The following EVL variants were observed in gnomAD, a reference collection of about 807,000 sequenced individuals.
EVL encodes the protein Enah/Vasp-like.
EVL carries 21 observed loss-of-function variants against 59.6 expected under a neutral mutation model. That is an observed-to-expected ratio of 0.35 (90% CI 0.25 to 0.51). The LOEUF (loss-of-function observed/expected upper bound fraction) is 0.51, where lower values mean the gene tolerates loss of function less well. Ranked by LOEUF, EVL falls within the 20% of genes least tolerant of loss-of-function variation. The pLI, the probability that EVL is intolerant of heterozygous loss-of-function variation, is 0.97. For synonymous variants in EVL, 198 were observed against 203.5 expected, an observed-to-expected ratio of 0.97 and a Z score of 0.23; for missense variants, 462 against 546.6, an observed-to-expected ratio of 0.85 and a Z score of 1.54.
chr14:99,978,109 A>AGGCATGGATGTAGAAAT (rs2060782354), intron 1 of EVL: 3 of 150,792 alleles, frequency 2.0e-5, no homozygotes, highest in Admixed American at 6.6e-5. Flanking sequence ...AAAAAAAAAA[A>AGGCATGGATGTAGAAAT]AAAAGTCAGC....
intron 6 of EVL, 47 bp downstream of exon 6, chr14:100,128,795 T>C: frequency 1.3e-6 from 2 of 1,515,328 alleles, no homozygotes; most frequent in Non-Finnish European, 1.8e-6. Context: ...AGGGGACCCT[T>C]GTGCCATCTG....
intron 1 of EVL, among the ~76,000 whole-genome samples, chr14:100,072,789 T>C (rs891423167): frequency 2.6e-5 from 4 of 152,142 alleles, no homozygotes; most frequent in African/African-American, 7.2e-5. Flanking sequence ...TTTGAAATTT[T>C]TCAGATTAAA....
intron 1 of EVL, among the ~76,000 whole-genome samples, chr14:99,998,611 GAATA>G (rs1405933973): frequency 2.0e-5 from 3 of 152,108 alleles, no homozygotes; most frequent in Non-Finnish European, 4.4e-5. Context: ...CAAAAATAAA[GAATA>G]AATCATCTGA....
intron 3 of EVL, among the ~76,000 whole-genome samples, chr14:100,116,885 A>G (rs1264727189): frequency 6.6e-6 from 1 of 152,222 alleles, no homozygotes; most frequent in African/African-American, 2.4e-5. Context: ...CTCACTTTAT[A>G]GAAAATGGAA....
chr14:100,028,801 T>G (rs905617678), intron 1 of EVL, among the ~76,000 whole-genome samples: 32 of 152,206 alleles, frequency 2.1e-4, no homozygotes, highest in African/African-American at 4.6e-4. Flanking sequence ...CAGAGCGAGA[T>G]TCCATCTCAA....
chr14:100,019,818 G>T (rs759955462), intron 1 of EVL: 360 of 905,996 alleles, frequency 4.0e-4, no homozygotes, highest in Non-Finnish European at 5.6e-4. Context: ...CTTGTGGTGG[G>T]GTTTATCCCA....
At chr14:100,085,410 T>C (rs896834054) in intron 2 of EVL, among the ~76,000 whole-genome samples, 12 of 152,198 alleles carry the variant, frequency 7.9e-5, no homozygotes, top group Admixed American at 7.8e-4. Context: ...ATACACGTAA[T>C]TAATGGCAAA....
At chr14:100,137,702 G>A in intron 10 of EVL, 38 bp from the exon 11 acceptor site, 2 of 1,613,988 alleles carry the variant, frequency 1.2e-6, no homozygotes, top group South Asian at 2.2e-5. Flanking sequence ...GCGGGCGCTG[G>A]CGCCGATTCA....
At chr14:99,999,380 T>A (rs559682744) in intron 1 of EVL, among the ~76,000 whole-genome samples, 1 of 152,314 alleles carries the variant, frequency 6.6e-6, no homozygotes, top group South Asian at 2.1e-4. Flanking sequence ...GTCCCTCAGG[T>A]TCCTCATTTA....
chr14:100,023,222 T>C (rs74804563), intron 1 of EVL, among the ~76,000 whole-genome samples: 3 of 139,710 alleles, frequency 2.1e-5, no homozygotes, highest in African/African-American at 8.8e-5. Context: ...TTTTTTTTTT[T>C]GGAACACAGT....
chr14:99,978,571 C>T (rs963291303), intron 1 of EVL, among the ~76,000 whole-genome samples: 1 of 152,012 alleles, frequency 6.6e-6, no homozygotes, highest in African/African-American at 2.4e-5. Context: ...AGTTGAATAC[C>T]TATACGTGTA....
rs2060738376 is a variant in EVL at position 99,972,189 on chromosome 14, G to C, written c.5+132G>C. 5.0e-6 allele frequency: 1 copy of C among 200,246 alleles called. No homozygotes were observed. Among genetic ancestry groups the C allele is most frequent in the Admixed American group, 6.1e-5 (1 of 16,418 alleles). 12.4% of individuals were successfully genotyped at this position (200,246 alleles called of 1,614,324 possible). A position where few individuals can be genotyped will look rare whatever the true frequency, so the allele number is the denominator to read the frequency against. ...CGGGGGCTTCCAGAGAACCGCGGGG[G>C]CTCTGCAGAGATTCGGGGGCATTCA... On this transcript the variant is annotated intron_variant, in intron 1 of 13. Transcript: ENST00000402714. The surrounding 1 kb of genome is among the most constrained non-coding windows in gnomAD (Gnocchi z 4.4).
At chr14:100,124,342 C>G (rs1270622601) in intron 4 of EVL, among the ~76,000 whole-genome samples, 1 of 152,212 alleles carries the variant, frequency 6.6e-6, no homozygotes, top group African/African-American at 2.4e-5. Context: ...CTTCTGCCCC[C>G]ACCTACCCCT....
chr14:100,049,332 T>G (rs2061608702), intron 1 of EVL, among the ~76,000 whole-genome samples: 1 of 152,196 alleles, frequency 6.6e-6, no homozygotes, highest in African/African-American at 2.4e-5. Flanking sequence ...GTGAGTGTAG[T>G]TCAAGTTCAA....
chr14:99,985,699 G>C (rs1191015), intron 1 of EVL, among the ~76,000 whole-genome samples: 9,250 of 151,930 alleles, frequency 0.061, 482 homozygotes, highest in East Asian at 0.28. Context: ...CCCAGGAGGT[G>C]GAGGTTGCGG....
chr14:100,117,717 C>T (rs1887439615), intron 3 of EVL, among the ~76,000 whole-genome samples: 1 of 152,190 alleles, frequency 6.6e-6, no homozygotes, highest in South Asian at 2.1e-4. Context: ...ACTCAATAAA[C>T]TTGAGTTCTC....
chr14:100,123,512 A>G (rs1263951593), intron 3 of EVL, 27 bp from the exon 4 acceptor site: 2 of 1,613,014 alleles, frequency 1.2e-6, no homozygotes, highest in Non-Finnish European at 1.7e-6. Flanking sequence ...CTCTAACCAC[A>G]CTGTTTCTGT....
At chr14:100,009,633 C>T (rs1001355134) in intron 1 of EVL, among the ~76,000 whole-genome samples, 9 of 152,068 alleles carry the variant, frequency 5.9e-5, no homozygotes, top group Non-Finnish European at 8.8e-5. Flanking sequence ...TTTTTGACTT[C>T]GTATTGTTGT....
chr14:99,973,295 T>C (rs2060747654), intron 1 of EVL, among the ~76,000 whole-genome samples: 2 of 152,248 alleles, frequency 1.3e-5, no homozygotes, highest in African/African-American at 4.8e-5. Context: ...CAACACTTGG[T>C]ATTGTCAGTC....
Sources: gnomAD v4.1 joint callset for allele counts (sites outside exome capture counted in the v4.1 genomes callset) on GRCh38, gnomAD v4.1.1 for gene constraint, Gnocchi (gnomAD v3.1) non-coding constraint, MANE v1.5 for transcripts, NCBI Gene and HGNC (gene_info 2026-07-23, HGNC 2026-07-21) for gene names.